Variants in CSMD1 observed in about 807,000 individuals in gnomAD.
The protein encoded by CSMD1 is CUB and sushi domain-containing protein 1.
In CSMD1, 213 loss-of-function variants were observed where a neutral mutation model predicts 417.5. The observed-to-expected ratio is 0.51, with a 90% confidence interval of 0.46 to 0.57. The LOEUF is 0.57. Ranked by LOEUF, CSMD1 falls within the 20% of genes least tolerant of loss-of-function variation. The pLI, the probability that CSMD1 is intolerant of heterozygous loss-of-function variation, is 0.00. For synonymous variants in CSMD1, 2,862 were observed against 1,736.8 expected, an observed-to-expected ratio of 1.65 and a Z score of -16.11; for missense variants, 6,923 against 4,529.7, an observed-to-expected ratio of 1.53 and a Z score of -15.17.
chr8:4,295,803 G>C (rs1797650887), intron 3 of CSMD1, among the ~76,000 whole-genome samples: 1 of 137,102 alleles, frequency 7.3e-6, no homozygotes, highest in Admixed American at 7.6e-5. Context: ...CACACATCTT[G>C]AGAGAAAATT....
At chr8:3,446,620 A>G (rs1404987150) in intron 12 of CSMD1, among the ~76,000 whole-genome samples, 1 of 152,226 alleles carries the variant, frequency 6.6e-6, no homozygotes, top group Non-Finnish European at 1.5e-5. Flanking sequence ...CACTCTGTGT[A>G]GACAAAAGAA....
intron 12 of CSMD1, among the ~76,000 whole-genome samples, chr8:3,433,328 T>C (rs1214714742): frequency 6.6e-6 from 1 of 152,220 alleles, no homozygotes; most frequent in Admixed American, 6.5e-5. Flanking sequence ...GGACTTCCAC[T>C]GCCTGACTGT....
intron 5 of CSMD1, among the ~76,000 whole-genome samples, chr8:3,755,260 G>C (rs1177359054): frequency 6.6e-6 from 1 of 152,118 alleles, no homozygotes; most frequent in African/African-American, 2.4e-5. Flanking sequence ...AAGCAACATA[G>C]GTGGATCATG....
At chr8:4,719,147 G>T (rs1005689157) in intron 1 of CSMD1, among the ~76,000 whole-genome samples, 1 of 152,120 alleles carries the variant, frequency 6.6e-6, no homozygotes, top group Non-Finnish European at 1.5e-5. Context: ...GACAATGATG[G>T]CCTGGAGAAA....
Position 2,938,228 on chromosome 8 carries a change from A to G in CSMD1, c.*357T>C, listed in dbSNP as rs771112715. The stretch of plus-strand genomic sequence containing the variant: ...ACCGCACCTGAGGGACATATCCACG[A>G]GCCCAGACGATTGCATTGAAAGGCA... On this transcript the variant is annotated 3_prime_UTR_variant, in exon 70 of 70. Transcript: ENST00000635120. 5.1e-6 allele frequency: 1 copy of G among 197,870 alleles called. No homozygotes were observed. 12.3% of individuals were successfully genotyped at this position (197,870 alleles called of 1,614,324 possible). A position where few individuals can be genotyped will look rare whatever the true frequency, so the allele number is the denominator to read the frequency against.
intron 26 of CSMD1, among the ~76,000 whole-genome samples, chr8:3,255,778 T>C (rs895406859): frequency 2.0e-5 from 3 of 152,162 alleles, no homozygotes; most frequent in South Asian, 4.1e-4. Context: ...ACACTTTCTT[T>C]GACTAGAAAG....
At chr8:3,733,203 ACACTCT>A (rs1270104805) in intron 6 of CSMD1, among the ~76,000 whole-genome samples, 10 of 114,414 alleles carry the variant, frequency 8.7e-5, no homozygotes, top group East Asian at 2.3e-4. Context: ...ACACACACAC[ACACTCT>A]CTCTCTCTCA....
chr8:4,819,127 G>T (rs573217464), intron 1 of CSMD1, among the ~76,000 whole-genome samples: 1 of 152,286 alleles, frequency 6.6e-6, no homozygotes, highest in East Asian at 1.9e-4. Flanking sequence ...AACAGCAGCA[G>T]GCAGCTCATG....
intron 1 of CSMD1, chr8:4,787,395 T>C: frequency 1.4e-6 from 1 of 737,172 alleles, no homozygotes; most frequent in Non-Finnish European, 2.5e-6. Context: ...AAAAGAAGTC[T>C]ACGAAAAGTC....
intron 3 of CSMD1, among the ~76,000 whole-genome samples, chr8:4,179,375 A>G (rs938627718): frequency 9.2e-5 from 14 of 152,194 alleles, no homozygotes. Context: ...GGCTAGCCAT[A>G]TGTAGAAAGC....
chr8:4,019,537 C>A (rs988189838), intron 4 of CSMD1, among the ~76,000 whole-genome samples: 1 of 152,170 alleles, frequency 6.6e-6, no homozygotes. Flanking sequence ...GAGACATTCC[C>A]CATTCCCTCT....
chr8:3,346,215 AC>A (rs1249223050), intron 22 of CSMD1, among the ~76,000 whole-genome samples: 23 of 150,304 alleles, frequency 1.5e-4, no homozygotes, highest in African/African-American at 4.6e-4. Flanking sequence ...TTTTTTAAAA[AC>A]AACTTTTTGT....
At chr8:3,119,667 C>T (rs1817083073) in intron 41 of CSMD1, among the ~76,000 whole-genome samples, 2 of 152,126 alleles carry the variant, frequency 1.3e-5, no homozygotes, top group Admixed American at 6.5e-5. Context: ...GGGAAGAGGG[C>T]GTGAGTACTC....
At chr8:3,419,696 C>A (rs1163265888) in intron 12 of CSMD1, among the ~76,000 whole-genome samples, 3 of 152,088 alleles carry the variant, frequency 2.0e-5, no homozygotes, top group African/African-American at 7.2e-5. Flanking sequence ...ACTTTCGTCA[C>A]CTACAACGTT....
chr8:4,278,682 T>C (rs541637883), intron 3 of CSMD1, among the ~76,000 whole-genome samples: 22 of 152,316 alleles, frequency 1.4e-4, no homozygotes, highest in African/African-American at 4.6e-4. Flanking sequence ...GAACAGTCTA[T>C]AGCCACTTAA....
At chr8:4,802,830 T>C (rs907899370) in intron 1 of CSMD1, among the ~76,000 whole-genome samples, 11 of 152,234 alleles carry the variant, frequency 7.2e-5, no homozygotes, top group African/African-American at 2.4e-4. Flanking sequence ...CAATAATACT[T>C]AGTTTTTGAA....
chr8:3,480,081 G>A (rs1827156), intron 11 of CSMD1, among the ~76,000 whole-genome samples: 66,415 of 151,972 alleles, frequency 0.44, 14,965 homozygotes, highest in Non-Finnish European at 0.5. Flanking sequence ...AAAAGGGGCC[G>A]GGAGTGGTGA....
intron 36 of CSMD1, 25 bp from the exon 37 acceptor site, chr8:3,181,239 T>A (rs777971685): frequency 1.4e-6 from 2 of 1,466,528 alleles, no homozygotes; most frequent in Admixed American, 3.4e-5. Flanking sequence ...GCAGATAGAA[T>A]TGTAACACTA....
chr8:4,867,120 C>A (rs920482905), intron 1 of CSMD1, among the ~76,000 whole-genome samples: 7 of 152,012 alleles, frequency 4.6e-5, no homozygotes, highest in African/African-American at 7.3e-5. Flanking sequence ...ATATGAACTT[C>A]ATGAACTACA....
Sources: allele counts gnomAD v4.1 joint callset (sites outside exome capture counted in the v4.1 genomes callset), GRCh38; gene constraint gnomAD v4.1.1; transcripts MANE v1.5; gene names NCBI Gene and HGNC (gene_info 2026-07-23, HGNC 2026-07-21).